RBFOX1: variants seen among roughly 807,000 people sequenced by gnomAD.
The protein encoded by RBFOX1 is RNA binding fox-1 homolog 1.
RBFOX1 carries 8 observed loss-of-function variants against 57.7 expected under a neutral mutation model. That is an observed-to-expected ratio of 0.14 (90% CI 0.08 to 0.25). The LOEUF is 0.25. RBFOX1 is among the 10% of genes least tolerant of loss of function. RBFOX1 has a pLI of 1.00. For missense variants in RBFOX1, 611 were observed against 548.5 expected (o/e 1.11, Z -1.14); for synonymous variants, 326 against 222.4 (o/e 1.47, Z -4.15).
intron 4 of RBFOX1, among the ~76,000 whole-genome samples, chr16:7,412,257 A>G (rs2098436414): frequency 6.6e-6 from 1 of 151,778 alleles, no homozygotes; most frequent in Admixed American, 6.6e-5. Flanking sequence ...TCTACTAAAA[A>G]TACAAAAATT....
chr16:7,064,925 TAAA>T (rs2055574808), intron 4 of RBFOX1, among the ~76,000 whole-genome samples: 1 of 152,196 alleles, frequency 6.6e-6, no homozygotes. Flanking sequence ...CTTGTTTACT[TAAA>T]AAATAGTGGA....
chr16:6,483,645 C>A, intron 2 of RBFOX1: 2 of 1,387,378 alleles, frequency 1.4e-6, no homozygotes, highest in South Asian at 1.4e-5. Context: ...TCTGCAGAGG[C>A]TTCCTGAAGC....
At chr16:7,111,157 C>G (rs750906230) in intron 4 of RBFOX1, among the ~76,000 whole-genome samples, 2 of 152,108 alleles carry the variant, frequency 1.3e-5, no homozygotes, top group African/African-American at 4.8e-5. Context: ...TTGATGATTT[C>G]AAGAAGCAAA....
chr16:5,725,841 C>G (rs774689708), intron 3 of RBFOX1, among the ~76,000 whole-genome samples: 2 of 151,958 alleles, frequency 1.3e-5, no homozygotes, highest in East Asian at 2.0e-4. Context: ...TTCTCTGCCT[C>G]TTGGTTGGCA....
At chr16:5,905,282 A>G (rs908218540) in intron 4 of RBFOX1, among the ~76,000 whole-genome samples, 1 of 151,592 alleles carries the variant, frequency 6.6e-6, no homozygotes, top group Non-Finnish European at 1.5e-5. Context: ...AGAACTCCGG[A>G]CCTCAGGTAA....
rs1420903307 is a variant in RBFOX1, at chr16:5,266,262, A to T, written c.219+26157A>T. Among the ~76,000 whole-genome samples the T allele has an allele frequency of 2.0e-5, 3 of 152,224 alleles. No individual in the cohort carries two copies. The South Asian group carries it at 6.2e-4, about 32-fold the overall frequency. ...GTGGGGGTTCCCTGTGCATTTTAGA[A>T]TGTTGAGTGGCATCCCTGGATCCCT... On this transcript the variant is annotated intron_variant, in intron 1 of 2. Transcript: ENST00000585867.
At chr16:5,681,389 CT>C (rs1003773008) in intron 3 of RBFOX1, among the ~76,000 whole-genome samples, 2,752 of 126,462 alleles carry the variant, frequency 0.022, 63 homozygotes, top group African/African-American at 0.07. Flanking sequence ...CAGCTTTTTT[CT>C]TTTTTTTTTT....
At chr16:6,646,227 C>G (rs906770466) in intron 2 of RBFOX1, among the ~76,000 whole-genome samples, 10 of 152,112 alleles carry the variant, frequency 6.6e-5, no homozygotes, top group Non-Finnish European at 1.5e-4. Context: ...GCAGCGTGAT[C>G]CGAACAATAA....
chr16:5,362,463 A>G (rs1372987511), intron 1 of RBFOX1, among the ~76,000 whole-genome samples: 2 of 152,202 alleles, frequency 1.3e-5, no homozygotes, highest in Non-Finnish European at 2.9e-5. Context: ...CCTGGGTTCA[A>G]GCGATTCTCC....
intron 1 of RBFOX1, among the ~76,000 whole-genome samples, chr16:5,286,409 C>T (rs746753651): frequency 6.6e-6 from 1 of 152,162 alleles, no homozygotes; most frequent in Non-Finnish European, 1.5e-5. Context: ...TCAGGCCTCT[C>T]AGTAGTAAGT....
intron 4 of RBFOX1, among the ~76,000 whole-genome samples, chr16:7,196,181 A>G (rs2086651835): frequency 6.6e-6 from 1 of 152,204 alleles, no homozygotes; most frequent in South Asian, 2.1e-4. Flanking sequence ...TGAAGTATAA[A>G]TAATCAGTAT....
intron 4 of RBFOX1, among the ~76,000 whole-genome samples, chr16:7,182,069 A>G (rs541968865): frequency 5.9e-5 from 9 of 152,342 alleles, no homozygotes; most frequent in Admixed American, 2.0e-4. Context: ...GATAAACTGA[A>G]TGAGTCTTCA....
At chr16:6,207,269 C>T (rs2097261640) in intron 1 of RBFOX1, among the ~76,000 whole-genome samples, 6 of 152,136 alleles carry the variant, frequency 3.9e-5, no homozygotes, top group African/African-American at 1.2e-4. Flanking sequence ...GCATAAGGCA[C>T]ACTTTATCTT....
intron 4 of RBFOX1, among the ~76,000 whole-genome samples, chr16:7,194,289 T>C (rs1370545923): frequency 6.6e-6 from 1 of 152,232 alleles, no homozygotes. Flanking sequence ...TATGGCTACC[T>C]TTTATTCAGA....
intron 12 of RBFOX1, among the ~76,000 whole-genome samples, chr16:7,654,315 C>G (rs1008359262): frequency 2.0e-5 from 3 of 152,142 alleles, no homozygotes. Context: ...TGAATTCCTC[C>G]ACAGAAAGAA....
chr16:7,071,655 A>T (rs1371983230), intron 4 of RBFOX1, among the ~76,000 whole-genome samples: 1 of 151,588 alleles, frequency 6.6e-6, no homozygotes, highest in Non-Finnish European at 1.5e-5. Flanking sequence ...TTATACATAC[A>T]TACATACATA....
intron 1 of RBFOX1, among the ~76,000 whole-genome samples, chr16:5,300,303 A>G (rs1404305774): frequency 1.3e-5 from 2 of 152,186 alleles, no homozygotes; most frequent in African/African-American, 4.8e-5. Flanking sequence ...GGTTGAAAAT[A>G]TCCTCATCTC....
rs190058039 is a variant in RBFOX1, at chr16:6,836,181, G to C, written c.-16+181531G>C. ...ATACGTCACCGGGTAACGCATTATT[G>C]AATATGTTAGTCATTTTCTTTTCTC... On this transcript the variant is annotated intron_variant, in intron 3 of 15. Coordinates refer to ENST00000550418, the MANE Select transcript of RBFOX1 (RefSeq NM_018723.4). 4.6e-5 allele frequency among the ~76,000 whole-genome samples: 7 copies of C among 152,280 alleles called. No individual in the cohort carries two copies. The East Asian group carries it at 7.7e-4, about 17-fold the overall frequency.
intron 3 of RBFOX1, among the ~76,000 whole-genome samples, chr16:5,826,670 A>T (rs1183526857): frequency 1.3e-5 from 2 of 152,244 alleles, no homozygotes; most frequent in Non-Finnish European, 2.9e-5. Context: ...TGAAGTTACT[A>T]ATAGTTATTA....
Sources: gnomAD v4.1 joint callset for allele counts (sites outside exome capture counted in the v4.1 genomes callset) on GRCh38, gnomAD v4.1.1 for gene constraint, MANE v1.5 for transcripts, NCBI Gene and HGNC (gene_info 2026-07-23, HGNC 2026-07-21) for gene names.